Variants in NPTN observed in about 807,000 individuals in gnomAD.
NPTN encodes neuroplastin.
Under a neutral mutation model 42.7 loss-of-function variants are expected in NPTN, and 5 were observed. The observed-to-expected ratio is 0.12, with a 90% CI of 0.06 to 0.25. The LOEUF is 0.25. Among genes scored for constraint, NPTN ranks in the 10% least tolerant of loss-of-function variants. The pLI is 1.00. For missense variants in NPTN, 307 were observed against 525.4 expected, an observed-to-expected ratio of 0.58 and a Z score of 4.06; for synonymous variants, 180 against 201.9, an observed-to-expected ratio of 0.89 and a Z score of 0.92.
intron 1 of NPTN, among the ~76,000 whole-genome samples, chr15:73,624,060 A>C (rs1197662313): frequency 6.6e-6 from 1 of 152,156 alleles, no homozygotes; most frequent in Non-Finnish European, 1.5e-5. Flanking sequence ...ACATCCCCCT[A>C]GTGCTCCCTG....
chr15:73,614,189 C>T (rs1038902689), intron 1 of NPTN, among the ~76,000 whole-genome samples: 1 of 151,250 alleles, frequency 6.6e-6, no homozygotes, highest in Non-Finnish European at 1.5e-5. Context: ...GCATGGTGGT[C>T]CACACCTGTA....
chr15:73,578,992 CAAAA>C (rs532918109), intron 4 of NPTN, among the ~76,000 whole-genome samples: 2 of 54,688 alleles, frequency 3.7e-5, no homozygotes, highest in African/African-American at 6.7e-5. Context: ...GATTCTGTCT[CAAAA>C]AAAAAAAAAA....
In NPTN at chr15:73,599,621, A is replaced by G. The variant is rs1450122813; in HGVS notation, c.92-2252T>C. ...AGAGCGAGACTCCGTCAAAAAAAAA[A>G]AAAGAAAGAAAGAAAGAAAGAAAAG... On this transcript the variant is annotated intron_variant, in intron 1 of 8. Transcript: ENST00000345330. 5 of 150,858 alleles carry G rather than the reference A, an allele frequency of 3.3e-5. No homozygotes were observed. The East Asian group carries it at 5.8e-4, about 18-fold the overall frequency. The allele number at this position is 150,858 out of a possible 1,614,324, so 9.3% of individuals were successfully genotyped here. A position where few individuals can be genotyped will look rare whatever the true frequency, so the allele number is the denominator to read the frequency against.
intron 1 of NPTN, among the ~76,000 whole-genome samples, chr15:73,618,394 A>G (rs1033066223): frequency 2.0e-5 from 3 of 152,340 alleles, no homozygotes; most frequent in Admixed American, 6.5e-5. Context: ...CCAGTCATCT[A>G]AACTTTTATA....
intron 6 of NPTN, among the ~76,000 whole-genome samples, chr15:73,564,089 A>G (rs1894843068): frequency 6.6e-6 from 1 of 152,226 alleles, no homozygotes; most frequent in Admixed American, 6.5e-5. Flanking sequence ...CTGATTTATA[A>G]GTCTTTCGTG....
chr15:73,613,956 G>A (rs1000062040), intron 1 of NPTN, among the ~76,000 whole-genome samples: 1 of 152,060 alleles, frequency 6.6e-6, no homozygotes, highest in African/African-American at 2.4e-5. Flanking sequence ...AAAGTGCGGG[G>A]ATTACAGGTG....
At chr15:73,603,616 G>A (rs930168650) in intron 1 of NPTN, among the ~76,000 whole-genome samples, 24 of 152,088 alleles carry the variant, frequency 1.6e-4, no homozygotes, top group African/African-American at 5.8e-4. Context: ...TGAATAATCT[G>A]GAAAGTCCAA....
chr15:73,587,129 T>A (rs973335472), intron 4 of NPTN, among the ~76,000 whole-genome samples: 3 of 152,226 alleles, frequency 2.0e-5, no homozygotes, highest in African/African-American at 7.2e-5. Flanking sequence ...TGTAAGGCAC[T>A]GATCTAAGAG....
chr15:73,581,303 TCTAA>T (rs1302337217), intron 4 of NPTN, among the ~76,000 whole-genome samples: 1 of 152,186 alleles, frequency 6.6e-6, no homozygotes, highest in African/African-American at 2.4e-5. Flanking sequence ...GGTCTGAGCG[TCTAA>T]CTAAGCCTTC....
chr15:73,579,147 C>T (rs1045807711), intron 4 of NPTN, among the ~76,000 whole-genome samples: 4 of 151,550 alleles, frequency 2.6e-5, no homozygotes, highest in Non-Finnish European at 5.9e-5. Context: ...GGCACGGTGG[C>T]GGGAGCCTGT....
chr15:73,589,713 A>C (rs950945043), intron 3 of NPTN, among the ~76,000 whole-genome samples: 1 of 152,222 alleles, frequency 6.6e-6, no homozygotes, highest in Admixed American at 6.5e-5. Flanking sequence ...TCATTCCAAA[A>C]AGGAAACACA....
chr15:73,601,462 A>C (rs1455986518), intron 1 of NPTN, among the ~76,000 whole-genome samples: 1 of 152,234 alleles, frequency 6.6e-6, no homozygotes, highest in African/African-American at 2.4e-5. Context: ...GCTTCAATTC[A>C]GGAAAAGAAC....
chr15:73,580,413 ATATATATAAT>A (rs1566965539), intron 4 of NPTN, among the ~76,000 whole-genome samples: 1 of 111,420 alleles, frequency 9.0e-6, no homozygotes, highest in African/African-American at 3.5e-5. Flanking sequence ...TATATATAAT[ATATATATAAT>A]ATATATATAA....
chr15:73,563,564 C>T, intron 6 of NPTN: 2 of 1,186,924 alleles, frequency 1.7e-6, no homozygotes, highest in Non-Finnish European at 2.1e-6. Context: ...CATCTTGTCC[C>T]CAAGTTCCAG....
chr15:73,561,101 A>G lies in NPTN; in HGVS notation c.*15-53T>C, dbSNP rs578156072. 2.6e-5 allele frequency: 4 copies of G among 152,554 alleles called. No homozygotes were observed. The East Asian group carries it at 7.7e-4, about 29-fold the overall frequency. 9.5% of individuals were successfully genotyped at this position (152,554 alleles called of 1,614,324 possible). On this transcript the variant is annotated intron_variant, in intron 8 of 8. Coordinates refer to ENST00000345330, the MANE Select transcript of NPTN (RefSeq NM_012428.4). Reference sequence around the variant, plus strand: ...ATAAAGGGATTATGCACTGTCACTCACAACTACACCGTGTGCCACACAAAA... The same window carrying G: ...ATAAAGGGATTATGCACTGTCACTCGCAACTACACCGTGTGCCACACAAAA...
chr15:73,628,528 C>G (rs914979209), intron 1 of NPTN, among the ~76,000 whole-genome samples: 5 of 152,306 alleles, frequency 3.3e-5, no homozygotes, highest in Admixed American at 2.6e-4. Flanking sequence ...CATGGTCACT[C>G]ACTGTTTCTC....
At chr15:73,627,865 A>C (rs1196928369) in intron 1 of NPTN, among the ~76,000 whole-genome samples, 2 of 152,222 alleles carry the variant, frequency 1.3e-5, no homozygotes, top group African/African-American at 2.4e-5. Context: ...TTTTTACACA[A>C]GATCACTTTT....
chr15:73,564,995 A>T (rs76733625), intron 6 of NPTN, among the ~76,000 whole-genome samples: 7,844 of 152,244 alleles, frequency 0.052, 216 homozygotes, highest in South Asian at 0.093. Flanking sequence ...CAAGCACCTC[A>T]CACCACGGGC....
chr15:73,628,059 G>T (rs1384563943), intron 1 of NPTN, among the ~76,000 whole-genome samples: 2 of 151,634 alleles, frequency 1.3e-5, no homozygotes, highest in Non-Finnish European at 2.9e-5. Context: ...ATTATCTAAG[G>T]TGCTTAAAAT....
Sources: allele counts gnomAD v4.1 joint callset (sites outside exome capture counted in the v4.1 genomes callset), GRCh38; gene constraint gnomAD v4.1.1; transcripts MANE v1.5; gene names NCBI Gene and HGNC (gene_info 2026-07-23, HGNC 2026-07-21).